Variants in GSPT1 observed in about 807,000 individuals in gnomAD.
GSPT1 encodes the protein G1 to S phase transition 1, also known as eukaryotic peptide chain release factor GTP-binding subunit ERF3A.
In GSPT1, 20 loss-of-function variants were observed where a neutral mutation model predicts 72.5. That is an observed-to-expected ratio of 0.28 (90% CI 0.19 to 0.40). The LOEUF is 0.40. Ranked by LOEUF, GSPT1 falls within the 10% of genes least tolerant of loss-of-function variation. The probability of loss-of-function intolerance (pLI) is 1.00; values close to 1 mark genes in which losing one functional copy is unlikely to be tolerated. For missense variants in GSPT1, 580 were observed against 811.9 expected (o/e 0.71, Z 3.47); for synonymous variants, 334 against 293.5 (o/e 1.14, Z -1.41).
intron 1 of GSPT1, among the ~76,000 whole-genome samples, chr16:11,910,662 C>A (rs550514098): frequency 2.0e-5 from 3 of 152,310 alleles, no homozygotes; most frequent in African/African-American, 7.2e-5. Flanking sequence ...CAAACCAAAG[C>A]AAGCAAATCA....
rs557796747 is a variant in GSPT1 at position 11,877,188 on chromosome 16, A to C, written c.1602+219T>G. 1.3e-5 allele frequency among the ~76,000 whole-genome samples: 2 copies of C among 152,192 alleles called. No individual in the cohort carries two copies. The highest frequency in any genetic ancestry group is 2.9e-5 in the Non-Finnish European group (2 of 68,040). On this transcript the variant is annotated intron_variant, in intron 12 of 14. Transcript: ENST00000434724. The surrounding 1 kb of genome is among the most constrained non-coding windows in gnomAD (Gnocchi z 4.0). ...AAACATAAAAAGGAACTTACAAAGA[A>C]TACTCCTTATCCAGTAAGCACTTGT...
At chr16:11,894,871 T>G in intron 5 of GSPT1, 83 bp downstream of exon 5, 1 of 825,736 alleles carries the variant, frequency 1.2e-6, no homozygotes, top group South Asian at 1.5e-5. Flanking sequence ...TTATCTCCTT[T>G]GTGTGACTGT....
chr16:11,907,789 C>T (rs13335725), intron 1 of GSPT1, among the ~76,000 whole-genome samples: 8 of 152,188 alleles, frequency 5.3e-5, no homozygotes, highest in South Asian at 2.1e-4. Context: ...CTGCTAGGGT[C>T]GTATCCAGCG....
At chr16:11,916,051 G>C (rs1441634379), upstream of GSPT1, 2 of 612,036 alleles carry the variant, frequency 3.3e-6, no homozygotes, top group Non-Finnish European at 6.2e-6. Flanking sequence ...CCTTCGCCTC[G>C]GTAGTTCTCT....
chr16:11,869,259 CTAGT>C lies in GSPT1; in HGVS notation c.*3856_*3859del, dbSNP rs1207424029. 1 of 152,226 alleles carries C rather than the reference CTAGT, an allele frequency of 6.6e-6. No homozygotes were observed. The highest frequency in any genetic ancestry group is 1.5e-5 in the Non-Finnish European group (1 of 68,048). 9.4% of individuals were successfully genotyped at this position (152,226 alleles called of 1,614,324 possible). ...AACCAACTGACTGCTAAATGTAAAG[CTAGT>C]TAAGTCTTTTGTGCATGTGCAATTA... On this transcript the variant is annotated 3_prime_UTR_variant, in exon 15 of 15. Coordinates refer to ENST00000434724, the MANE Select transcript of GSPT1 (RefSeq NM_002094.4).
intron 10 of GSPT1, among the ~76,000 whole-genome samples, chr16:11,883,475 T>C (rs1330543853): frequency 4.7e-5 from 1 of 21,244 alleles, no homozygotes; most frequent in African/African-American, 1.5e-4. Flanking sequence ...AAAAAAAAAT[T>C]GCCAGGCACG....
Position 11,875,944 on chromosome 16 carries a change from A to G in GSPT1, c.1693-15T>C, listed in dbSNP as rs767744351. On this transcript the variant is annotated splice_polypyrimidine_tract_variant and intron_variant, in intron 13 of 14. Transcript: ENST00000434724. The stretch of plus-strand genomic sequence containing the variant: ...CAGATTAAGGCCTAACCAAGAAAAG[A>G]GTATGAGAAAATCAGAATAATGCCA... The G allele has an allele frequency of 6.2e-7, 1 of 1,604,534 alleles. No homozygotes were observed. Among genetic ancestry groups the G allele is most frequent in the Non-Finnish European group, 8.5e-7 (1 of 1,175,078 alleles).
chr16:11,912,673 A>T (rs2054575912), intron 1 of GSPT1, among the ~76,000 whole-genome samples: 1 of 150,340 alleles, frequency 6.7e-6, no homozygotes, highest in African/African-American at 2.5e-5. Flanking sequence ...ATCTAACAAT[A>T]AAAAAAACTA....
chr16:11,904,116 T>G (rs1341709253), intron 1 of GSPT1: 1 of 230,124 alleles, frequency 4.3e-6, no homozygotes, highest in Admixed American at 4.2e-5. Context: ...ATCTGAGGTT[T>G]TGGCAACACT....
At chr16:11,915,993 C>A (rs746812202), upstream of GSPT1, 1 of 692,498 alleles carries the variant, frequency 1.4e-6, no homozygotes, top group African/African-American at 1.8e-5. Context: ...GACGGCCTCA[C>A]AGCCAACCCC....
At chr16:11,873,260 AT>A (rs2053998432) in intron 14 of GSPT1, 89 bp from the exon 15 acceptor site, 2 of 650,028 alleles carry the variant, frequency 3.1e-6, no homozygotes, top group Non-Finnish European at 5.4e-6. Flanking sequence ...TCACAAAAAT[AT>A]TTTTTACAAT....
At chr16:11,876,242 C>A in intron 12 of GSPT1, 67 bp from the exon 13 acceptor site, 1 of 983,916 alleles carries the variant, frequency 1.0e-6, no homozygotes. Flanking sequence ...TGTTCTCAAG[C>A]GCCATATAAA....
chr16:11,878,727 C>G (rs577946003), intron 11 of GSPT1, among the ~76,000 whole-genome samples: 1 of 151,920 alleles, frequency 6.6e-6, no homozygotes, highest in Non-Finnish European at 1.5e-5. Context: ...GAACAAGTGA[C>G]CTGAGAGGAG....
intron 5 of GSPT1, 50 bp from the exon 6 acceptor site, chr16:11,891,189 T>A (rs1012305420): frequency 2.1e-6 from 2 of 946,856 alleles, no homozygotes. Flanking sequence ...CACAAATTAC[T>A]CAGTGGAATT....
chr16:11,886,686 T>A, intron 8 of GSPT1, 75 bp from the exon 9 acceptor site: 2 of 1,548,494 alleles, frequency 1.3e-6, no homozygotes, highest in Non-Finnish European at 1.8e-6. Context: ...GTAAACAGAT[T>A]AAGGTTTAGA....
chr16:11,904,359 C>T (rs371214227), intron 1 of GSPT1, among the ~76,000 whole-genome samples: 195 of 152,140 alleles, frequency 1.3e-3, no homozygotes, highest in African/African-American at 3.6e-3. Context: ...CGCGCCACCA[C>T]GCCTGGGTAA....
Position 11,874,454 on chromosome 16 carries a change from C to CTTTTTT in GSPT1, c.1862-1289_1862-1284dup, listed in dbSNP as rs200991035. ...GTGGAAAACCTAAAAGCCAAGTTAG[C>CTTTTTT]TTTTTTTTTTTTTTTTTTTTTTTTT... On this transcript the variant is annotated intron_variant, in intron 14 of 14. Coordinates refer to ENST00000434724, the MANE Select transcript of GSPT1 (RefSeq NM_002094.4). Among the ~76,000 whole-genome samples the CTTTTTT allele has an allele frequency of 2.5e-4, 24 of 95,880 alleles. 1 individual carries two copies. The highest frequency in any genetic ancestry group is 3.4e-4 in the African/African-American group (8 of 23,772). 62.9% of individuals were successfully genotyped at this position (95,880 alleles called of 152,430 possible).
rs368188108 is a variant in GSPT1 at position 11,912,301 on chromosome 16, T to C, written c.352+3068A>G. 8.3e-5 allele frequency among the ~76,000 whole-genome samples: 12 copies of C among 144,790 alleles called. No individual in the cohort carries two copies. In the East Asian group the frequency reaches 1.8e-3, roughly 22 times the overall value. The allele number at this position is 144,790 out of a possible 152,430, so 95.0% of individuals were successfully genotyped here. A position where few individuals can be genotyped will look rare whatever the true frequency, so the allele number is the denominator to read the frequency against. On this transcript the variant is annotated intron_variant, in intron 1 of 14. Coordinates refer to ENST00000434724, the MANE Select transcript of GSPT1 (RefSeq NM_002094.4). ...AGGAGGAGGTTGTAGTCAGCCGAGA[T>C]CGTGCCATTGCACTCCAGCCTGGGC...
At chr16:11,914,913 C>T (rs2054610526) in intron 1 of GSPT1, 1 of 844,670 alleles carries the variant, frequency 1.2e-6, no homozygotes, top group African/African-American at 1.8e-5. Context: ...AGAAGACGCT[C>T]TCTCGGCTGG....
Sources: allele counts gnomAD v4.1 joint callset (sites outside exome capture counted in the v4.1 genomes callset), GRCh38; gene constraint gnomAD v4.1.1; non-coding constraint Gnocchi (gnomAD v3.1); transcripts MANE v1.5; gene names NCBI Gene and HGNC (gene_info 2026-07-23, HGNC 2026-07-21).